SH3GL2: variants seen among roughly 807,000 people sequenced by gnomAD.
SH3GL2 encodes the protein endophilin-A1.
Under a neutral mutation model 46.0 loss-of-function variants are expected in SH3GL2, and 24 were observed. The observed-to-expected ratio is 0.52, with a 90% CI of 0.38 to 0.73. SH3GL2 has a LOEUF of 0.73. Ranked by LOEUF, SH3GL2 falls within the 30% of genes least tolerant of loss-of-function variation. The probability of loss-of-function intolerance (pLI) is 0.00; values close to 1 mark genes in which losing one functional copy is unlikely to be tolerated. For synonymous variants in SH3GL2, 196 were observed against 147.1 expected, an observed-to-expected ratio of 1.33 and a Z score of -2.40; for missense variants, 413 against 424.2, an observed-to-expected ratio of 0.97 and a Z score of 0.23.
intron 2 of SH3GL2, among the ~76,000 whole-genome samples, chr9:17,751,994 A>G (rs1267736331): frequency 1.3e-5 from 2 of 152,094 alleles, no homozygotes; most frequent in Non-Finnish European, 2.9e-5. Context: ...CCAAGCTTAT[A>G]TTCATTAAAG....
At chr9:17,628,140 T>G (rs1218089345) in intron 1 of SH3GL2, among the ~76,000 whole-genome samples, 1 of 152,176 alleles carries the variant, frequency 6.6e-6, no homozygotes, top group Non-Finnish European at 1.5e-5. Context: ...AGTTTCTTCT[T>G]TAAAACACGA....
intron 1 of SH3GL2, among the ~76,000 whole-genome samples, chr9:17,732,326 T>G: frequency 6.6e-6 from 1 of 152,060 alleles, no homozygotes; most frequent in East Asian, 1.9e-4. Context: ...TGCATGGTGG[T>G]TCAGGGGAAT....
chr9:17,670,236 C>T (rs1463708658), intron 1 of SH3GL2, among the ~76,000 whole-genome samples: 2 of 152,186 alleles, frequency 1.3e-5, no homozygotes, highest in Non-Finnish European at 2.9e-5. Context: ...CAACTGCTGG[C>T]ATCCCCCAGT....
At chr9:17,682,496 G>A (rs1408264383) in intron 1 of SH3GL2, among the ~76,000 whole-genome samples, 1 of 152,022 alleles carries the variant, frequency 6.6e-6, no homozygotes, top group Admixed American at 6.6e-5. Context: ...GTAAGTGCGA[G>A]TTGAACATAG....
chr9:17,657,116 G>C (rs900693462), intron 1 of SH3GL2, among the ~76,000 whole-genome samples: 1 of 152,180 alleles, frequency 6.6e-6, no homozygotes, highest in Non-Finnish European at 1.5e-5. Flanking sequence ...GAGAAAAGTA[G>C]TCTGAAAAGC....
chr9:17,720,389 T>C (rs907912208), intron 1 of SH3GL2, among the ~76,000 whole-genome samples: 1 of 152,086 alleles, frequency 6.6e-6, no homozygotes, highest in African/African-American at 2.4e-5. Flanking sequence ...CCAAAATACG[T>C]TGAAAGAGCT....
At chr9:17,733,529 A>G (rs984892242) in intron 1 of SH3GL2, among the ~76,000 whole-genome samples, 1 of 150,928 alleles carries the variant, frequency 6.6e-6, no homozygotes, top group Non-Finnish European at 1.5e-5. Context: ...GTGGGACTGT[A>G]AACTAGTTCA....
chr9:17,769,140 G>T (rs987339505), intron 3 of SH3GL2, among the ~76,000 whole-genome samples: 1 of 152,236 alleles, frequency 6.6e-6, no homozygotes, highest in East Asian at 1.9e-4. Flanking sequence ...TAAAACATCA[G>T]CCCTTCTAAC....
chr9:17,682,302 A>T (rs1306892654), intron 1 of SH3GL2, among the ~76,000 whole-genome samples: 1 of 152,202 alleles, frequency 6.6e-6, no homozygotes, highest in African/African-American at 2.4e-5. Context: ...AAGTCATGGA[A>T]CCAACCCAAA....
intron 1 of SH3GL2, among the ~76,000 whole-genome samples, chr9:17,665,458 C>CG (rs1820320476): frequency 6.6e-6 from 1 of 152,062 alleles, no homozygotes; most frequent in Non-Finnish European, 1.5e-5. Context: ...TAGAATGTGT[C>CG]TTAACAGATT....
At chr9:17,781,656 C>T (rs1823813402) in intron 3 of SH3GL2, among the ~76,000 whole-genome samples, 1 of 152,086 alleles carries the variant, frequency 6.6e-6, no homozygotes, top group South Asian at 2.1e-4. Flanking sequence ...GAATTTTCTA[C>T]CAATTTATCC....
chr9:17,672,058 A>C (rs189610383), intron 1 of SH3GL2, among the ~76,000 whole-genome samples: 1 of 152,312 alleles, frequency 6.6e-6, no homozygotes, highest in African/African-American at 2.4e-5. Flanking sequence ...ACATGAAACT[A>C]AATTGGAAAC....
At chr9:17,649,087 G>T (rs563905179) in intron 1 of SH3GL2, among the ~76,000 whole-genome samples, 2 of 152,176 alleles carry the variant, frequency 1.3e-5, no homozygotes, top group East Asian at 1.9e-4. Flanking sequence ...TAATCGTAAG[G>T]TTCTCTAGTG....
chr9:17,677,856 A>G (rs191307735), intron 1 of SH3GL2, among the ~76,000 whole-genome samples: 661 of 146,584 alleles, frequency 4.5e-3, no homozygotes, highest in Non-Finnish European at 6.1e-3. Flanking sequence ...TTCAATTCCC[A>G]CCTTTGAGTG....
chr9:17,639,759 T>C (rs1819630462), intron 1 of SH3GL2, among the ~76,000 whole-genome samples: 1 of 152,212 alleles, frequency 6.6e-6, no homozygotes, highest in Non-Finnish European at 1.5e-5. Context: ...CTAATTATGG[T>C]ATGTCTGTAC....
intron 1 of SH3GL2, among the ~76,000 whole-genome samples, chr9:17,633,052 C>T (rs1280478830): frequency 6.6e-6 from 1 of 152,194 alleles, no homozygotes; most frequent in Non-Finnish European, 1.5e-5. Context: ...CTTGACTTTT[C>T]CTCTCCTGGG....
chr9:17,738,003 T>C (rs1822391982), intron 1 of SH3GL2, among the ~76,000 whole-genome samples: 1 of 152,158 alleles, frequency 6.6e-6, no homozygotes, highest in Non-Finnish European at 1.5e-5. Flanking sequence ...AACTATGTTC[T>C]AATTGTCCAT....
At chr9:17,724,168 C>T (rs1204442959) in intron 1 of SH3GL2, among the ~76,000 whole-genome samples, 1 of 151,932 alleles carries the variant, frequency 6.6e-6, no homozygotes, top group African/African-American at 2.4e-5. Context: ...TTTACTTTTT[C>T]TTCTTTATTT....
In SH3GL2 at chr9:17,653,661, G is replaced by T. The variant is rs544664778; in HGVS notation, c.45+74374G>T. Reference sequence around the variant, plus strand: ...TACAAAGAGGTAGGGCCTTTAAAAGGTGATTAGGCCATGAGAGCTCCTCGC... The same window carrying T: ...TACAAAGAGGTAGGGCCTTTAAAAGTTGATTAGGCCATGAGAGCTCCTCGC... On this transcript the variant is annotated intron_variant, in intron 1 of 8. Coordinates refer to ENST00000380607, the MANE Select transcript of SH3GL2 (RefSeq NM_003026.5). Among the ~76,000 whole-genome samples, 5 of 152,266 alleles carry T rather than the reference G, an allele frequency of 3.3e-5. No individual in the cohort carries two copies. In the South Asian group the frequency reaches 1.0e-3, roughly 32 times the overall value.
Sources: allele counts gnomAD v4.1 joint callset (sites outside exome capture counted in the v4.1 genomes callset), GRCh38; gene constraint gnomAD v4.1.1; transcripts MANE v1.5; gene names NCBI Gene and HGNC (gene_info 2026-07-23, HGNC 2026-07-21).